The following ABCC3 variants were observed in gnomAD, a reference collection of about 807,000 sequenced individuals.
ABCC3 encodes ATP-binding cassette sub-family C member 3.
In ABCC3, 121 loss-of-function variants were observed where a neutral mutation model predicts 165.3. The ratio of observed to expected loss-of-function variants is 0.73; its 90% confidence interval spans 0.63 to 0.85. The LOEUF (loss-of-function observed/expected upper bound fraction) is 0.85, where lower values mean the gene tolerates loss of function less well. ABCC3 is among the 40% of genes least tolerant of loss of function. The pLI, the probability that ABCC3 is intolerant of heterozygous loss-of-function variation, is 0.00. For missense variants in ABCC3, 1,869 were observed against 1,964.1 expected (o/e 0.95, Z 0.92); for synonymous variants, 733 against 810.1 (o/e 0.90, Z 1.62).
Position 50,668,918 on chromosome 17 carries a change from A to T in ABCC3, c.1936A>T (p.Ser646Cys). ...WAQDLPPTLH[S>C]LDIQVPKGAL... ...CCAGGACCTGCCCCCCACTCTGCAC[A>T]GGTACCAGCTTCTCCCACTCCCTTC... Residue 646 changes from serine to cysteine, a missense_variant and splice_region_variant, in exon 15 of 31, where the codon AGC becomes TGC. Coordinates refer to ENST00000285238, the MANE Select transcript of ABCC3 (RefSeq NM_003786.4). 6.2e-7 allele frequency: 1 copy of T among 1,613,946 alleles called. No homozygotes were observed. The highest frequency in any genetic ancestry group is 8.5e-7 in the Non-Finnish European group (1 of 1,179,874).
At chr17:50,688,865 G>T (rs1225601357) in intron 30 of ABCC3, among the ~76,000 whole-genome samples, 1 of 150,380 alleles carries the variant, frequency 6.6e-6, no homozygotes, top group Non-Finnish European at 1.5e-5. Context: ...ATTACGCCAG[G>T]ACACTCCAGT....
rs200667322 is a variant in ABCC3, at chr17:50,660,875, A to C, written c.807-48A>C. The C allele has an allele frequency of 3.3e-5, 50 of 1,518,682 alleles. No homozygotes were observed. In the African/African-American group the frequency reaches 6.7e-4, roughly 20 times the overall value. 94.1% of individuals were successfully genotyped at this position (1,518,682 alleles called of 1,614,324 possible). On this transcript the variant is annotated intron_variant, in intron 7 of 30. Transcript: ENST00000285238. Reference sequence around the variant, plus strand: ...CCCAGCCTAGCCCTTGGCTTCCTGGAGCCCCTGTCCCCATTCCTAACCCAC... The same window carrying C: ...CCCAGCCTAGCCCTTGGCTTCCTGGCGCCCCTGTCCCCATTCCTAACCCAC...
At chr17:50,644,310 CAAAAAAAAAAA>C (rs57937379) in intron 1 of ABCC3, among the ~76,000 whole-genome samples, 2 of 51,284 alleles carry the variant, frequency 3.9e-5, no homozygotes, top group Non-Finnish European at 6.8e-5. Context: ...GACTCCGTCT[CAAAAAAAAAAA>C]AAAAAAAAAA....
chr17:50,675,742 A>T lies in ABCC3; in HGVS notation c.2826A>T (p.Ala942=). ...TGACAGAGGCGAAGGCAGATGGGGC[A>T]CTGACCCAGGAGGAGAAAGCAGCCA... The part of the protein sequence containing the change: ...VQVTEAKADG[A]LTQEEKAAIG... The change falls in exon 21 of 31, where the codon GCA becomes GCT. Residue 942 remains alanine, a synonymous_variant. Coordinates refer to ENST00000285238, the MANE Select transcript of ABCC3 (RefSeq NM_003786.4). The T allele has an allele frequency of 6.4e-7, 1 of 1,563,430 alleles. No homozygotes were observed. Among genetic ancestry groups the T allele is most frequent in the Non-Finnish European group, 8.7e-7 (1 of 1,153,580 alleles).
At chr17:50,669,675 T>A in intron 17 of ABCC3, 147 bp downstream of exon 17, 1 of 814,044 alleles carries the variant, frequency 1.2e-6, no homozygotes, top group Non-Finnish European at 1.9e-6. Context: ...AACAGATCTA[T>A]TAGCAGATCT....
Position 50,691,195 on chromosome 17 carries a change from G to A in ABCC3, c.4579G>A (p.Ala1527Thr). 1 of 1,612,212 alleles carries A rather than the reference G, an allele frequency of 6.2e-7. No homozygotes were observed. Among genetic ancestry groups the A allele is most frequent in the Middle Eastern group, 1.7e-4 (1 of 6,060 alleles). The change falls in exon 31 of 31, where the codon GCC (alanine) becomes ACC (threonine). Residue 1527 changes from alanine (A) to threonine (T), a missense_variant. By Grantham distance (58) the Ala-to-Thr change is moderately conservative. Coordinates refer to ENST00000285238, the MANE Select transcript of ABCC3 (RefSeq NM_003786.4). The part of the protein sequence containing the change: ...FYGMARDAGL[A>T] ...CGGGATGGCCAGAGATGCTGGACTTGCCTAAAATATATTCCTGAGATTTCC... is the reference window on the plus strand; with the variant it reads ...CGGGATGGCCAGAGATGCTGGACTTACCTAAAATATATTCCTGAGATTTCC...
In ABCC3 at chr17:50,687,348, A is replaced by G. The variant is rs1968040760; in HGVS notation, c.4281-188A>G. ...CCTTTTAGCACTGGCTCATTCCCCA[A>G]GGCCCCTCATTATCCCAATGGTGTC... On this transcript the variant is annotated intron_variant, in intron 29 of 30. Transcript: ENST00000285238. 12 of 596,262 alleles carry G rather than the reference A, an allele frequency of 2.0e-5. No homozygotes were observed. In the South Asian group the frequency reaches 2.2e-4, roughly 11 times the overall value. The allele number at this position is 596,262 out of a possible 1,614,324, so 36.9% of individuals were successfully genotyped here.
intron 1 of ABCC3, among the ~76,000 whole-genome samples, chr17:50,644,182 G>A (rs5024133): frequency 0.25 from 37,621 of 151,110 alleles, 5,026 homozygotes; most frequent in African/African-American, 0.32. Flanking sequence ...GTGGTGGCGG[G>A]CATCTGTAAT....
At chr17:50,664,418 G>A (rs1967474557) in intron 10 of ABCC3, 2 of 363,358 alleles carry the variant, frequency 5.5e-6, no homozygotes, top group South Asian at 6.0e-5. Context: ...ATTGACACAA[G>A]AGCTGGCTGG....
At position 50,668,934 on chromosome 17, in the gene ABCC3, C is replaced by T. The variant is rs1967583569; in HGVS notation, c.1937+15C>T. The T allele has an allele frequency of 6.2e-7, 1 of 1,613,552 alleles. No individual in the cohort carries two copies. The highest frequency in any genetic ancestry group is 1.3e-5 in the African/African-American group (1 of 74,914). On this transcript the variant is annotated intron_variant, in intron 15 of 30. Coordinates refer to ENST00000285238, the MANE Select transcript of ABCC3 (RefSeq NM_003786.4). The stretch of plus-strand genomic sequence containing the variant: ...ACTCTGCACAGGTACCAGCTTCTCC[C>T]ACTCCCTTCCCAGCTGCCCACGGTG...
intron 1 of ABCC3, chr17:50,643,591 T>G: frequency 2.2e-6 from 1 of 456,224 alleles, no homozygotes; most frequent in Non-Finnish European, 4.4e-6. Flanking sequence ...TCACCAAACA[T>G]TGTCAAGGCC....
intron 27 of ABCC3, 25 bp downstream of exon 27, chr17:50,683,781 CGT>C (rs776185061): frequency 6.3e-7 from 1 of 1,593,502 alleles, no homozygotes; most frequent in Non-Finnish European, 8.5e-7. Context: ...GGCGGGCCTG[CGT>C]GTGTGTTCAT....
intron 30 of ABCC3, among the ~76,000 whole-genome samples, chr17:50,688,052 C>T (rs1427240801): frequency 6.6e-6 from 1 of 151,840 alleles, no homozygotes; most frequent in African/African-American, 2.4e-5. Flanking sequence ...ACTGGGATTA[C>T]AGGCGTGCAC....
chr17:50,669,096 C>T, intron 15 of ABCC3, 44 bp from the exon 16 acceptor site: 3 of 1,587,902 alleles, frequency 1.9e-6, no homozygotes, highest in Non-Finnish European at 1.7e-6. Flanking sequence ...GACCAAAACC[C>T]TGATCCCTGC....
intron 1 of ABCC3, among the ~76,000 whole-genome samples, chr17:50,654,627 A>T (rs1374178745): frequency 6.6e-6 from 1 of 152,116 alleles, no homozygotes; most frequent in African/African-American, 2.4e-5. Context: ...GTGAGTCTCA[A>T]ATCCACCCAG....
At chr17:50,675,313 G>T in intron 19 of ABCC3, 49 bp from the exon 20 acceptor site, 1 of 1,389,752 alleles carries the variant, frequency 7.2e-7, no homozygotes, top group Non-Finnish European at 1.0e-6. Context: ...CCAGGGGCTT[G>T]CAGGGAGAAC....
chr17:50,639,154 C>T (rs2054204847), intron 1 of ABCC3, among the ~76,000 whole-genome samples: 1 of 152,238 alleles, frequency 6.6e-6, no homozygotes, highest in Non-Finnish European at 1.5e-5. Flanking sequence ...GACACCATAG[C>T]TCACCCTCCC....
At chr17:50,635,131 C>A in intron 1 of ABCC3, 150 bp downstream of exon 1, 2 of 883,000 alleles carry the variant, frequency 2.3e-6, no homozygotes, top group Non-Finnish European at 3.1e-6. Context: ...GCGATGGGCT[C>A]GGGAGGGAGG....
intron 10 of ABCC3, chr17:50,664,376 G>A: frequency 2.1e-6 from 1 of 478,096 alleles, no homozygotes. Context: ...AAAAGAAGGA[G>A]GGTTATTCTG....
Sources: allele counts gnomAD v4.1 joint callset (sites outside exome capture counted in the v4.1 genomes callset), GRCh38; gene constraint gnomAD v4.1.1; transcripts MANE v1.5; gene names NCBI Gene and HGNC (gene_info 2026-07-23, HGNC 2026-07-21).